The following NWD1 variants were observed in gnomAD, a reference collection of about 807,000 sequenced individuals.
NWD1 encodes NACHT domain- and WD repeat-containing protein 1.
A neutral mutation model predicts 135.1 loss-of-function variants in NWD1; 129 were observed. The observed-to-expected ratio is 0.96, with a 90% CI of 0.83 to 1.11. The LOEUF is 1.11. NWD1 is among the 50% of genes least tolerant of loss of function. The probability of loss-of-function intolerance (pLI) is 0.00; values close to 1 mark genes in which losing one functional copy is unlikely to be tolerated. For synonymous variants in NWD1, 773 were observed against 786.0 expected (o/e 0.98, Z 0.28); for missense variants, 1,740 against 1,851.3 (o/e 0.94, Z 1.10).
intron 18 of NWD1, among the ~76,000 whole-genome samples, chr19:16,809,820 G>A (rs902539666): frequency 3.3e-5 from 5 of 152,058 alleles, no homozygotes; most frequent in African/African-American, 1.2e-4. Context: ...GCCTCACAAA[G>A]TGCTGGGATT....
At chr19:16,764,347 T>TCCAC (rs1969134078) in intron 9 of NWD1, among the ~76,000 whole-genome samples, 1 of 150,980 alleles carries the variant, frequency 6.6e-6, no homozygotes, top group African/African-American at 2.4e-5. Context: ...CATCCATCCA[T>TCCAC]CCACCCATCT....
At chr19:16,793,552 T>TA (rs1389800650) in intron 14 of NWD1, among the ~76,000 whole-genome samples, 2 of 147,578 alleles carry the variant, frequency 1.4e-5, no homozygotes, top group African/African-American at 2.5e-5. Flanking sequence ...CTTTTTTTTT[T>TA]AACTGTTTTT....
At chr19:16,743,331 C>T (rs1968164291) in intron 4 of NWD1, among the ~76,000 whole-genome samples, 3 of 152,264 alleles carry the variant, frequency 2.0e-5, no homozygotes, top group African/African-American at 4.8e-5. Flanking sequence ...CAGCCTCAGC[C>T]TCCTGAGTAC....
Position 16,747,345 on chromosome 19 carries a change from T to TTTTATTTA in NWD1, c.497-1761_497-1754dup, listed in dbSNP as rs78977506. ...CACCCGCGCCTGGCTGACATTTTCT[T>TTTTATTTA]TTTATTTATTTATTTATTTATTTAT... On this transcript the variant is annotated intron_variant, in intron 5 of 18. Transcript: ENST00000524140. Among the ~76,000 whole-genome samples the TTTTATTTA allele has an allele frequency of 7.5e-3, 1,079 of 143,248 alleles. 5 individuals carry two copies. The highest frequency in any genetic ancestry group is 0.017 in the South Asian group (77 of 4,456). The allele number at this position is 143,248 out of a possible 152,430, so 94.0% of individuals were successfully genotyped here.
At chr19:16,756,727 C>T (rs188188220) in intron 6 of NWD1, among the ~76,000 whole-genome samples, 5 of 152,242 alleles carry the variant, frequency 3.3e-5, no homozygotes, top group South Asian at 4.1e-4. Flanking sequence ...CCCCCAGTAC[C>T]GGTACTGCTC....
rs1568336516 is a variant in NWD1 at position 16,734,733 on chromosome 19, G to GTTAT, written c.82-1901_82-1900insTTAT. ...CTACAGGCACACACCACTACACCTG[G>GTTAT]CTATTTATTTATTTATTTATTTATT... On this transcript the variant is annotated intron_variant, in intron 3 of 18. Transcript: ENST00000524140. 1.0e-3 allele frequency among the ~76,000 whole-genome samples: 114 copies of GTTAT among 108,932 alleles called. 2 individuals carry two copies. The highest frequency in any genetic ancestry group is 4.7e-3 in the African/African-American group (112 of 23,640). The allele number at this position is 108,932 out of a possible 152,430, so 71.5% of individuals were successfully genotyped here.
chr19:16,741,728 A>G (rs1968092604), intron 4 of NWD1, among the ~76,000 whole-genome samples: 1 of 151,590 alleles, frequency 6.6e-6, no homozygotes, highest in South Asian at 2.1e-4. Context: ...GCTACGTACG[A>G]CCCATGTTTT....
At chr19:16,803,928 A>C (rs1354113578) in intron 17 of NWD1, among the ~76,000 whole-genome samples, 1 of 141,734 alleles carries the variant, frequency 7.1e-6, no homozygotes, top group East Asian at 2.0e-4. Flanking sequence ...CCACCACCCG[A>C]AAAAAAAAAG....
At chr19:16,759,693 G>A (rs886146030) in intron 7 of NWD1, among the ~76,000 whole-genome samples, 4 of 152,070 alleles carry the variant, frequency 2.6e-5, no homozygotes, top group East Asian at 3.9e-4. Flanking sequence ...CCTGGGCAAC[G>A]TAGCGAGGCC....
rs1209556537 is a variant in NWD1 at position 16,817,485 on chromosome 19, CCAGCTA to C, written c.*2448_*2453del. 1.4e-5 allele frequency: 2 copies of C among 142,450 alleles called. No individual in the cohort carries two copies. Among genetic ancestry groups the C allele is most frequent in the African/African-American group, 5.2e-5 (2 of 38,296 alleles). 8.8% of individuals were successfully genotyped at this position (142,450 alleles called of 1,614,324 possible). A position where few individuals can be genotyped will look rare whatever the true frequency, so the allele number is the denominator to read the frequency against. On this transcript the variant is annotated 3_prime_UTR_variant, in exon 19 of 19. Transcript: ENST00000524140. Reference sequence around the variant, plus strand: ...GGTGTGGTGACGTACACCTGTAATTCCAGCTACTTGGGAGGCTGAGGCAGGAGAATG... The same window carrying C: ...GGTGTGGTGACGTACACCTGTAATTCCTTGGGAGGCTGAGGCAGGAGAATG...
Position 16,793,562 on chromosome 19 carries a change from T to C in NWD1, c.3214-901T>C, listed in dbSNP as rs943356902. Among the ~76,000 whole-genome samples the C allele has an allele frequency of 1.6e-4, 21 of 132,908 alleles. No homozygotes were observed. In the Admixed American group the frequency reaches 1.7e-3, roughly 11 times the overall value. The allele number at this position is 132,908 out of a possible 152,430, so 87.2% of individuals were successfully genotyped here. A position where few individuals can be genotyped will look rare whatever the true frequency, so the allele number is the denominator to read the frequency against. ...TTTACCTTTTTTTTTTAACTGTTTTTTTGTTTTTTGGTTTTTGGTTGTTTT... is the reference window on the plus strand; with the variant it reads ...TTTACCTTTTTTTTTTAACTGTTTTCTTGTTTTTTGGTTTTTGGTTGTTTT... On this transcript the variant is annotated intron_variant, in intron 14 of 18. Transcript: ENST00000524140.
At chr19:16,737,571 T>G (rs1026905699) in intron 4 of NWD1, among the ~76,000 whole-genome samples, 7 of 152,012 alleles carry the variant, frequency 4.6e-5, no homozygotes, top group African/African-American at 1.7e-4. Context: ...TTTAAGTTTT[T>G]TTTTTTTTTT....
In NWD1 at chr19:16,749,235, A is replaced by G. The variant is rs1968447482; in HGVS notation, c.593A>G (p.His198Arg). 1 of 1,613,930 alleles carries G rather than the reference A, an allele frequency of 6.2e-7. No individual in the cohort carries two copies. Among genetic ancestry groups the G allele is most frequent in the East Asian group, 2.2e-5 (1 of 44,870 alleles). The change falls in exon 6 of 19, where the codon CAC becomes CGC. Residue 198 changes from histidine to arginine, a missense_variant. His to Arg is a conservative substitution (Grantham distance 29). Transcript: ENST00000524140. ...FLREIQDLHK[H>R]ILEDCALRMV... ...AGAGAGATCCAAGACCTCCACAAACACATCCTTGAAGACTGCGCCCTTAGG... is the reference window on the plus strand; with the variant it reads ...AGAGAGATCCAAGACCTCCACAAACGCATCCTTGAAGACTGCGCCCTTAGG...
chr19:16,787,870 TAATAAC>T lies in NWD1; in HGVS notation c.2732-1106_2732-1101del, dbSNP rs1325850571. Among the ~76,000 whole-genome samples the T allele has an allele frequency of 2.8e-3, 259 of 91,634 alleles. 5 individuals carry two copies. In the Admixed American group the frequency reaches 0.032, roughly 11 times the overall value. The allele number at this position is 91,634 out of a possible 152,430, so 60.1% of individuals were successfully genotyped here. On this transcript the variant is annotated intron_variant, in intron 12 of 18. Transcript: ENST00000524140. ...GCAAGACTCCATCTCAAAATAGTAA[TAATAAC>T]AATAATAATAATAATAATAATAATA...
At chr19:16,738,183 T>C (rs1248554733) in intron 4 of NWD1, 1 of 452,534 alleles carries the variant, frequency 2.2e-6, no homozygotes, top group East Asian at 7.0e-5. Flanking sequence ...AGAGACCATC[T>C]GGCCTGTAAA....
rs576850705 is a variant in NWD1, at chr19:16,797,783, G to T, written c.3356G>T (p.Arg1119Leu). 1.2e-6 allele frequency: 2 copies of T among 1,613,940 alleles called. No individual in the cohort carries two copies. Among genetic ancestry groups the T allele is most frequent in the African/African-American group, 2.7e-5 (2 of 74,936 alleles). ...TTGGCGGACTCGAGGGGCTTTCGCCGATTCATGGCCATGGATCTGGAACAT... is the reference window on the plus strand; with the variant it reads ...TTGGCGGACTCGAGGGGCTTTCGCCTATTCATGGCCATGGATCTGGAACAT... The part of the protein sequence containing the change: ...IFLADSRGFR[R>L]FMAMDLEHED... The change falls in exon 16 of 19, where the codon CGA becomes CTA. Residue 1119 changes from arginine (R) to leucine (L), a missense_variant. By Grantham distance (102) the Arg-to-Leu change is moderately radical (BLOSUM62 -2). Coordinates refer to ENST00000524140, the MANE Select transcript of NWD1 (RefSeq NM_001007525.5).
intron 13 of NWD1, 47 bp from the exon 14 acceptor site, chr19:16,791,303 T>A: frequency 6.3e-7 from 1 of 1,579,360 alleles, no homozygotes; most frequent in Non-Finnish European, 8.7e-7. Context: ...AAACTTGTAG[T>A]CTAGGTCTCC....
At position 16,744,418 on chromosome 19, in the gene NWD1, C is replaced by G. The variant is rs575322875; in HGVS notation, c.199-3C>G. ...TTTGAATCTGTGACTTCCTCTCTGC[C>G]AGGCCCTCATCGGTGATCAGTACGG... On this transcript the variant is annotated splice_region_variant and splice_polypyrimidine_tract_variant and intron_variant, in intron 4 of 18. Transcript: ENST00000524140. The G allele has an allele frequency of 2.2e-5, 34 of 1,535,226 alleles. No homozygotes were observed. In the African/African-American group the frequency reaches 4.5e-4, roughly 20 times the overall value.
chr19:16,741,090 G>T (rs1968058886), intron 4 of NWD1, among the ~76,000 whole-genome samples: 1 of 152,100 alleles, frequency 6.6e-6, no homozygotes, highest in Non-Finnish European at 1.5e-5. Flanking sequence ...AATCTGGGAG[G>T]CAGAGGTTGC....
Sources: gnomAD v4.1 joint callset for allele counts (sites outside exome capture counted in the v4.1 genomes callset) on GRCh38, gnomAD v4.1.1 for gene constraint, MANE v1.5 for transcripts, NCBI Gene and HGNC (gene_info 2026-07-23, HGNC 2026-07-21) for gene names.